C12orf42: variants seen among roughly 807,000 people sequenced by gnomAD.
The protein encoded by C12orf42 is uncharacterized protein C12orf42.
Under a neutral mutation model 21.6 loss-of-function variants are expected in C12orf42, and 25 were observed. The observed-to-expected ratio is 1.16, with a 90% CI of 0.84 to 1.62. The LOEUF is 1.62. Among genes scored for constraint, C12orf42 ranks in the 40% most tolerant of loss-of-function variants. The pLI, the probability that C12orf42 is intolerant of heterozygous loss-of-function variation, is 0.00. For missense variants in C12orf42, 483 were observed against 459.3 expected, an observed-to-expected ratio of 1.05 and a Z score of -0.47; for synonymous variants, 174 against 175.0, an observed-to-expected ratio of 0.99 and a Z score of 0.05.
At chr12:103,407,739 T>A (rs1322788584) in intron 2 of C12orf42, among the ~76,000 whole-genome samples, 1 of 152,164 alleles carries the variant, frequency 6.6e-6, no homozygotes, top group Non-Finnish European at 1.5e-5. Flanking sequence ...TTCATGCTGT[T>A]CAAAGGTCAA....
chr12:103,344,465 T>A (rs1396067157), intron 4 of C12orf42, among the ~76,000 whole-genome samples: 1 of 152,094 alleles, frequency 6.6e-6, no homozygotes, highest in Non-Finnish European at 1.5e-5. Context: ...AGCTCTGGAT[T>A]TTTGCCTGGT....
chr12:103,118,862 A>C, the C12orf42 span, among the ~76,000 whole-genome samples: 1 of 150,524 alleles, frequency 6.6e-6, no homozygotes, highest in African/African-American at 2.4e-5. Flanking sequence ...TGGAAATTAA[A>C]GTTTTTAATA....
the C12orf42 span, among the ~76,000 whole-genome samples, chr12:103,106,502 C>T: frequency 6.6e-6 from 1 of 151,666 alleles, no homozygotes; most frequent in African/African-American, 2.4e-5. Flanking sequence ...TAATTTTAGA[C>T]AACCATAACA....
chr12:103,077,724 C>G, the C12orf42 span, among the ~76,000 whole-genome samples: 1 of 152,122 alleles, frequency 6.6e-6, no homozygotes, highest in East Asian at 1.9e-4. Flanking sequence ...TGTTCACACT[C>G]AGGACTCAAT....
At chr12:103,281,915 A>AAAAGAAAGAAAGAAAGAAAGAAAGAAAG (rs3063699) in intron 4 of C12orf42, among the ~76,000 whole-genome samples, 1 of 141,828 alleles carries the variant, frequency 7.1e-6, no homozygotes, top group African/African-American at 2.7e-5. Flanking sequence ...AGAAGAAAGA[A>AAAAGAAAGAAAGAAAGAAAGAAAGAAAG]AAAGAAAGAA....
In C12orf42 at chr12:103,422,210, A is replaced by C. The variant is rs186188387; in HGVS notation, c.79-20535T>G. Among the ~76,000 whole-genome samples the C allele has an allele frequency of 1.2e-4, 19 of 152,330 alleles. No individual in the cohort carries two copies. The South Asian group carries it at 2.5e-3, about 20-fold the overall frequency. ...GTCCTGTAAAGGTCATGACTCAAAA[A>C]AGAAAAACCCAAAATTGATTTAAAG... On this transcript the variant is annotated intron_variant, in intron 2 of 5. Transcript: ENST00000548883.
upstream of C12orf42, among the ~76,000 whole-genome samples, chr12:103,499,307 CTTGA>C (rs888542641): frequency 3.9e-5 from 6 of 152,174 alleles, no homozygotes; most frequent in African/African-American, 1.4e-4. Context: ...TCCTCATTAG[CTTGA>C]TTGTCATCAT....
At chr12:103,546,633 A>G in the C12orf42 span, among the ~76,000 whole-genome samples, 1 of 152,240 alleles carries the variant, frequency 6.6e-6, no homozygotes, top group Non-Finnish European at 1.5e-5. Context: ...AAAAAAATGA[A>G]AGACGTTGAA....
chr12:103,066,778 CTT>C, the C12orf42 span, among the ~76,000 whole-genome samples: 1 of 152,290 alleles, frequency 6.6e-6, no homozygotes, highest in Admixed American at 6.5e-5. Flanking sequence ...ATGGACCTCT[CTT>C]GAGTCAAAAA....
At chr12:103,487,125 A>G (rs1365932785) in intron 1 of C12orf42, among the ~76,000 whole-genome samples, 3 of 152,148 alleles carry the variant, frequency 2.0e-5, no homozygotes, top group Admixed American at 6.5e-5. Context: ...CACTGCTTTA[A>G]ATGTGTCCCA....
chr12:103,219,961 T>G, the C12orf42 span, among the ~76,000 whole-genome samples: 1 of 152,070 alleles, frequency 6.6e-6, no homozygotes, highest in African/African-American at 2.4e-5. Context: ...CACATGCAAA[T>G]GTATGTTTAT....
chr12:103,343,709 G>T (rs543756929), intron 4 of C12orf42, among the ~76,000 whole-genome samples: 2 of 151,220 alleles, frequency 1.3e-5, no homozygotes, highest in South Asian at 4.2e-4. Flanking sequence ...GGGAGGCAGA[G>T]GTTGCAGTGA....
chr12:103,492,275 G>A (rs1955235302), intron 1 of C12orf42, among the ~76,000 whole-genome samples: 1 of 152,160 alleles, frequency 6.6e-6, no homozygotes, highest in Non-Finnish European at 1.5e-5. Context: ...TTAATTCTAT[G>A]TGTTTGTGGT....
At chr12:103,434,880 G>A (rs865923913) in intron 2 of C12orf42, among the ~76,000 whole-genome samples, 120 of 152,354 alleles carry the variant, frequency 7.9e-4, no homozygotes, top group African/African-American at 2.7e-3. Flanking sequence ...CGGGAAGCTC[G>A]AACTGGGTGG....
chr12:103,471,497 A>G (rs1163368829), intron 2 of C12orf42, among the ~76,000 whole-genome samples: 2 of 152,250 alleles, frequency 1.3e-5, no homozygotes, highest in African/African-American at 4.8e-5. Flanking sequence ...TTGTATGTTA[A>G]GCAGTTTGCT....
intron 2 of C12orf42, among the ~76,000 whole-genome samples, chr12:103,427,656 C>T (rs949201211): frequency 4.6e-5 from 7 of 152,276 alleles, no homozygotes; most frequent in Non-Finnish European, 8.8e-5. Context: ...ACTCTCCACC[C>T]CAAATCAACA....
At chr12:103,085,843 T>TG in the C12orf42 span, among the ~76,000 whole-genome samples, 1 of 152,172 alleles carries the variant, frequency 6.6e-6, no homozygotes. Context: ...CTAACCCTGG[T>TG]GTGATAATAC....
At chr12:103,359,113 A>G (rs951129355) in intron 4 of C12orf42, among the ~76,000 whole-genome samples, 1 of 152,076 alleles carries the variant, frequency 6.6e-6, no homozygotes, top group African/African-American at 2.4e-5. Flanking sequence ...AATTCCTCAG[A>G]GTTCTTCCCT....
intron 10 of C12orf42, among the ~76,000 whole-genome samples, chr12:103,245,111 G>T (rs368242795): frequency 1.3e-5 from 2 of 152,112 alleles, no homozygotes; most frequent in Non-Finnish European, 2.9e-5. Context: ...AGGATGAACA[G>T]TAATAATGTA....
Sources: gnomAD v4.1 joint callset for allele counts (sites outside exome capture counted in the v4.1 genomes callset) on GRCh38, gnomAD v4.1.1 for gene constraint, MANE v1.5 for transcripts, NCBI Gene and HGNC (gene_info 2026-07-23, HGNC 2026-07-21) for gene names.